Variants in TFB1M observed in about 807,000 individuals in gnomAD.
The protein encoded by TFB1M is dimethyladenosine transferase 1, mitochondrial.
In TFB1M, 27 loss-of-function variants were observed where a neutral mutation model predicts 31.1. The ratio of observed to expected loss-of-function variants is 0.87; its 90% CI spans 0.64 to 1.20. The LOEUF is 1.20. Among genes scored for constraint, TFB1M ranks in the 50% most tolerant of loss-of-function variants. The pLI, the probability that TFB1M is intolerant of heterozygous loss-of-function variation, is 0.00. For synonymous variants in TFB1M, 166 were observed against 151.8 expected (o/e 1.09, Z -0.69); for missense variants, 394 against 418.7 (o/e 0.94, Z 0.51).
In TFB1M at chr6:155,311,266, GATTCCCCCT is replaced by G. The variant is rs763925869; in HGVS notation, c.198_206del (p.Gly67_Ile69del). The G allele has an allele frequency of 6.2e-7, 1 of 1,614,014 alleles. No homozygotes were observed. The highest frequency in any genetic ancestry group is 1.1e-5 in the South Asian group (1 of 91,076). On this transcript the variant is annotated inframe_deletion, in exon 2 of 7. Coordinates refer to ENST00000367166, the MANE Select transcript of TFB1M (RefSeq NM_016020.4). The stretch of plus-strand genomic sequence containing the variant: ...CGTCGGCATTAAGAATAGATCTTGT[GATTCCCCCT>G]GGCCCAGGGCCCACTTCGTAAACAT...
the TFB1M span, among the ~76,000 whole-genome samples, chr6:155,245,418 G>A: frequency 6.6e-6 from 1 of 152,214 alleles, no homozygotes; most frequent in Non-Finnish European, 1.5e-5. Flanking sequence ...AGGCTCTGCC[G>A]CTGGAAACTT....
the TFB1M span, chr6:155,248,297 T>C: frequency 8.4e-7 from 1 of 1,186,126 alleles, no homozygotes; most frequent in Non-Finnish European, 1.2e-6. Context: ...CCTAAGTCAC[T>C]TTTCAGTTCT....
chr6:155,298,175 A>G (rs189134040), intron 3 of TFB1M, among the ~76,000 whole-genome samples: 1 of 152,356 alleles, frequency 6.6e-6, no homozygotes, highest in African/African-American at 2.4e-5. Context: ...ACTATTTGGA[A>G]CAAATAACAA....
At position 155,257,591 on chromosome 6, in the gene TFB1M, A is replaced by AATAG; in HGVS notation, c.*241_*244dup. 6.3e-6 allele frequency: 3 copies of AATAG among 478,550 alleles called. No homozygotes were observed. In the East Asian group the frequency reaches 1.2e-4, roughly 19 times the overall value. 29.6% of individuals were successfully genotyped at this position (478,550 alleles called of 1,614,324 possible). A position where few individuals can be genotyped will look rare whatever the true frequency, so the allele number is the denominator to read the frequency against. Reference sequence around the variant, plus strand: ...ACTTCATTTTTGTAAGATAGATTGTAATAGATGCTGTTTATACTAAACATG... The same window carrying AATAG: ...ACTTCATTTTTGTAAGATAGATTGTAATAGATAGATGCTGTTTATACTAAACATG... On this transcript the variant is annotated 3_prime_UTR_variant, in exon 7 of 7. Coordinates refer to ENST00000367166, the MANE Select transcript of TFB1M (RefSeq NM_016020.4).
the TFB1M span, among the ~76,000 whole-genome samples, chr6:155,231,388 A>G: frequency 1.3e-5 from 2 of 152,182 alleles, no homozygotes; most frequent in African/African-American, 4.8e-5. Flanking sequence ...TCCTTTTTGT[A>G]CCATTTTGAT....
rs1304480967 is a variant in TFB1M, at chr6:155,297,029, T to G, written c.470A>C (p.Asn157Thr). The change falls in exon 4 of 7, where the codon AAT (asparagine) becomes ACT (threonine). Residue 157 changes from asparagine (N) to threonine (T), a missense_variant. This residue lies in a region of TFB1M where 273 missense variants were observed against 256.4 expected (regional missense o/e 1.06). Transcript: ENST00000367166. ...STPLIIKWLE[N>T]ISCRDGPFVY... The stretch of plus-strand genomic sequence containing the variant: ...AAAAGGTCCATCTCTACAGGAAATA[T>G]TTTCAAGCCACTTGATAATCAGTGG... 6.2e-7 allele frequency: 1 copy of G among 1,613,852 alleles called. No individual in the cohort carries two copies. The highest frequency in any genetic ancestry group is 1.1e-5 in the South Asian group (1 of 91,092).
At chr6:155,262,765 A>C (rs532149275) in intron 5 of TFB1M, among the ~76,000 whole-genome samples, 1 of 152,324 alleles carries the variant, frequency 6.6e-6, no homozygotes, top group East Asian at 1.9e-4. Context: ...TTAGATTTTA[A>C]ATTTTGGCCT....
chr6:155,250,001 G>A, the TFB1M span: 26,992 of 1,558,088 alleles, frequency 0.017, 318 homozygotes, highest in Non-Finnish European at 0.022. Flanking sequence ...TGGGAGCCTA[G>A]TGCATGTGGT....
chr6:155,260,737 T>G, intron 5 of TFB1M: 1 of 362,186 alleles, frequency 2.8e-6, no homozygotes, highest in Non-Finnish European at 5.3e-6. Context: ...GGCATTAGAA[T>G]ATTTTAGTTT....
At chr6:155,240,731 A>G in the TFB1M span, 1 of 1,597,580 alleles carries the variant, frequency 6.3e-7, no homozygotes, top group Non-Finnish European at 8.5e-7. Flanking sequence ...GCTGGCATTT[A>G]TGCATTCGTG....
chr6:155,297,095 T>C lies in TFB1M; in HGVS notation c.404A>G (p.Asn135Ser), dbSNP rs199982841. The C allele has an allele frequency of 1.7e-4, 270 of 1,613,400 alleles. No individual in the cohort carries two copies. The highest frequency in any genetic ancestry group is 2.2e-4 in the Non-Finnish European group (259 of 1,179,950). The change falls in exon 4 of 7, where the codon AAT (asparagine) becomes AGT (serine). Residue 135 changes from asparagine to serine, a missense_variant. Around this residue, in one of 3 missense-constraint regions of TFB1M, gnomAD observed 273 missense variants for 256.4 expected, o/e 1.06. Coordinates refer to ENST00000367166, the MANE Select transcript of TFB1M (RefSeq NM_016020.4). ...LKRPWEDDPP[N>S]VHIIGNLPFS... is the part of the protein sequence containing the mutation. The stretch of plus-strand genomic sequence containing the variant: ...AGGCAGATTTCCAATAATATGTACA[T>C]TTGGAGGATCTGGTGGCAGAGGAAA...
chr6:155,241,426 C>T, the TFB1M span, among the ~76,000 whole-genome samples: 22 of 152,122 alleles, frequency 1.4e-4, no homozygotes, highest in Non-Finnish European at 2.6e-4. Flanking sequence ...GGGTCCAGGC[C>T]CGGCTTTGCC....
chr6:155,314,127 T>C, intron 1 of TFB1M, 169 bp downstream of exon 1: 1 of 1,495,898 alleles, frequency 6.7e-7, no homozygotes, highest in South Asian at 1.3e-5. Flanking sequence ...TTCACGTGTC[T>C]CCTGGGCGGT....
chr6:155,292,589 A>C (rs1294587805), intron 4 of TFB1M, among the ~76,000 whole-genome samples: 3 of 152,118 alleles, frequency 2.0e-5, no homozygotes, highest in Non-Finnish European at 4.4e-5. Context: ...TAAAAGCCTC[A>C]AGCAATCTTA....
At chr6:155,286,794 G>T (rs1279126757) in intron 4 of TFB1M, among the ~76,000 whole-genome samples, 1 of 151,582 alleles carries the variant, frequency 6.6e-6, no homozygotes, top group East Asian at 1.9e-4. Flanking sequence ...CTGGGCAACA[G>T]AGCAAGACGC....
At chr6:155,266,903 GAGACATTAAAGCA>G (rs1191556612) in intron 5 of TFB1M, among the ~76,000 whole-genome samples, 4 of 149,092 alleles carry the variant, frequency 2.7e-5, no homozygotes, top group Admixed American at 2.7e-4. Context: ...TCTGGAAAGT[GAGACATTAAAGCA>G]TAGTCTGGGG....
rs531146294 is a variant in TFB1M at position 155,305,140 on chromosome 6, TTA to T, written c.285+6046_285+6047del. Among the ~76,000 whole-genome samples, 143 of 89,962 alleles carry T rather than the reference TTA, an allele frequency of 1.6e-3. 12 individuals are homozygous for T. The highest frequency in any genetic ancestry group is 6.8e-3 in the African/African-American group (115 of 16,940). 59.0% of individuals were successfully genotyped at this position (89,962 alleles called of 152,430 possible). A position where few individuals can be genotyped will look rare whatever the true frequency, so the allele number is the denominator to read the frequency against. The stretch of plus-strand genomic sequence containing the variant: ...TTTATATATATACATAATTATATAT[TTA>T]TATATATAAATATATATTAAATTAT... On this transcript the variant is annotated intron_variant, in intron 2 of 6. Transcript: ENST00000367166.
chr6:155,258,459 A>G (rs995080068), intron 6 of TFB1M, among the ~76,000 whole-genome samples: 1 of 152,238 alleles, frequency 6.6e-6, no homozygotes, highest in Admixed American at 6.5e-5. Flanking sequence ...GTGACAAATC[A>G]TCAGTTTTGA....
chr6:155,259,058 C>T (rs535282952), intron 6 of TFB1M, among the ~76,000 whole-genome samples: 8 of 152,252 alleles, frequency 5.3e-5, no homozygotes, highest in African/African-American at 1.7e-4. Flanking sequence ...GCCTTGGAAA[C>T]GCTAGTGCCA....
Sources: allele counts gnomAD v4.1 joint callset (sites outside exome capture counted in the v4.1 genomes callset), GRCh38; gene constraint gnomAD v4.1.1; regional missense constraint gnomAD v4.1.1; transcripts MANE v1.5; gene names NCBI Gene and HGNC (gene_info 2026-07-23, HGNC 2026-07-21).